Variants in PPP1R10 observed in about 807,000 individuals in gnomAD.
The protein encoded by PPP1R10 is serine/threonine-protein phosphatase 1 regulatory subunit 10.
PPP1R10 carries 15 observed loss-of-function variants against 99.0 expected under a neutral mutation model. The ratio of observed to expected loss-of-function variants is 0.15; its 90% CI spans 0.10 to 0.23. The LOEUF is 0.23. PPP1R10 is among the 10% of genes least tolerant of loss of function. The pLI, the probability that PPP1R10 is intolerant of heterozygous loss-of-function variation, is 1.00. For synonymous variants in PPP1R10, 430 were observed against 449.5 expected, an observed-to-expected ratio of 0.96 and a Z score of 0.55; for missense variants, 947 against 1,259.4, an observed-to-expected ratio of 0.75 and a Z score of 3.75.
At chr6:30,605,588 C>T (rs767330428) in intron 10 of PPP1R10, among the ~76,000 whole-genome samples, 4 of 152,064 alleles carry the variant, frequency 2.6e-5, no homozygotes, top group Non-Finnish European at 5.9e-5. Flanking sequence ...TGGCCAGGTG[C>T]GGTGGCTCAT....
intron 2 of PPP1R10, among the ~76,000 whole-genome samples, chr6:30,615,229 T>TAAA (rs5875265): frequency 4.8e-4 from 53 of 109,756 alleles, no homozygotes; most frequent in Admixed American, 1.6e-3. Flanking sequence ...ACCTTTTTAG[T>TAAA]AAAAAAAAAA....
At chr6:30,603,081 A>G (rs2127437003) in intron 17 of PPP1R10, 122 bp from the exon 18 acceptor site, 1 of 1,398,124 alleles carries the variant, frequency 7.2e-7, no homozygotes, top group Non-Finnish European at 1.0e-6. Context: ...CTCTCTGTCC[A>G]GTCTTCCCCT....
intron 2 of PPP1R10, among the ~76,000 whole-genome samples, chr6:30,615,229 TAA>T (rs5875265): frequency 8.8e-4 from 97 of 109,640 alleles, no homozygotes; most frequent in Admixed American, 9.4e-4. Context: ...ACCTTTTTAG[TAA>T]AAAAAAAAAA....
In PPP1R10 at chr6:30,602,287, C is replaced by T; in HGVS notation, c.2362G>A (p.Gly788Ser). Residue 788 changes from glycine (G) to serine (S), a missense_variant, in exon 19 of 20, where the codon GGT becomes AGT. Around this residue, in one of 10 missense-constraint regions of PPP1R10, gnomAD observed 525 missense variants for 578.8 expected, o/e 0.91. Transcript: ENST00000376511. The surrounding 1 kb of genome is among the most constrained non-coding windows in gnomAD (Gnocchi z 6.7). Reference sequence around the variant, plus strand: ...CCTCCACCCCCACCCATGCTACCACCAGGGCCTTCATGGGGGCGATGCCCA... The same window carrying T: ...CCTCCACCCCCACCCATGCTACCACTAGGGCCTTCATGGGGGCGATGCCCA... ...GSGHRPHEGP[G>S]GSMGGGGGHR... is the part of the protein sequence containing the mutation. The T allele has an allele frequency of 6.2e-7, 1 of 1,612,820 alleles. No individual in the cohort carries two copies. The highest frequency in any genetic ancestry group is 8.5e-7 in the Non-Finnish European group (1 of 1,179,880).
At position 30,604,772 on chromosome 6, in the gene PPP1R10, G is replaced by A. The variant is rs756919666; in HGVS notation, c.955-37C>T. The A allele has an allele frequency of 6.2e-7, 1 of 1,612,454 alleles. No individual in the cohort carries two copies. Among genetic ancestry groups the A allele is most frequent in the Non-Finnish European group, 8.5e-7 (1 of 1,179,840 alleles). ...GAAAAGGAAGTTAATGAACTGACTG[G>A]AAAGCCAAGGGCAAGGCAATTAGTC... On this transcript the variant is annotated intron_variant, in intron 11 of 19. Coordinates refer to ENST00000376511, the MANE Select transcript of PPP1R10 (RefSeq NM_002714.4). This position sits in a 1 kb window ranked among gnomAD's most constrained non-coding sequence, Gnocchi z 7.3.
chr6:30,606,464 T>C lies in PPP1R10; in HGVS notation c.634+4A>G, dbSNP rs1319320120. 6.2e-7 allele frequency: 1 copy of C among 1,612,700 alleles called. No homozygotes were observed. Among genetic ancestry groups the C allele is most frequent in the African/African-American group, 1.3e-5 (1 of 75,000 alleles). On this transcript the variant is annotated splice_donor_region_variant and intron_variant, in intron 8 of 19. Coordinates refer to ENST00000376511, the MANE Select transcript of PPP1R10 (RefSeq NM_002714.4). This position sits in a 1 kb window ranked among gnomAD's most constrained non-coding sequence, Gnocchi z 6.3. ...ACCCTCCAGAGGCCAGCCGCCAGTC[T>C]TACCAGTGGAACGGAACTTGGCATG... is the stretch of plus-strand genomic sequence containing the variant.
At position 30,601,253 on chromosome 6, in the gene PPP1R10, A is replaced by G; in HGVS notation, c.*296T>C. 2 of 437,030 alleles carry G rather than the reference A, an allele frequency of 4.6e-6. No homozygotes were observed. The highest frequency in any genetic ancestry group is 8.2e-6 in the Non-Finnish European group (2 of 244,130). The allele number at this position is 437,030 out of a possible 1,614,324, so 27.1% of individuals were successfully genotyped here. A position where few individuals can be genotyped will look rare whatever the true frequency, so the allele number is the denominator to read the frequency against. On this transcript the variant is annotated 3_prime_UTR_variant, in exon 20 of 20. Transcript: ENST00000376511. ...TCTCAAGCATTAAGGGTAATACTGG[A>G]AAGGGGTTTGGGGTACAGGGCGAAT...
At chr6:30,605,258 G>T (rs960988913) in intron 10 of PPP1R10, among the ~76,000 whole-genome samples, 164 bp from the exon 11 acceptor site, 4 of 152,114 alleles carry the variant, frequency 2.6e-5, no homozygotes, top group Middle Eastern at 3.2e-3. Flanking sequence ...ATTCACACAG[G>T]ATATTCTTGT....
chr6:30,604,876 C>G lies in PPP1R10; in HGVS notation c.954+118G>C, dbSNP rs778329778. 34 of 1,511,222 alleles carry G rather than the reference C, an allele frequency of 2.2e-5. No homozygotes were observed. Among genetic ancestry groups the G allele is most frequent in the Non-Finnish European group, 2.9e-5 (32 of 1,089,052 alleles). 93.6% of individuals were successfully genotyped at this position (1,511,222 alleles called of 1,614,324 possible). A position where few individuals can be genotyped will look rare whatever the true frequency, so the allele number is the denominator to read the frequency against. ...TCCACAATGTCTCACCTGCACCAGT[C>G]TATATCCAAGGCAAAACGCCTCTTG... On this transcript the variant is annotated intron_variant, in intron 11 of 19. Transcript: ENST00000376511. This position sits in a 1 kb window ranked among gnomAD's most constrained non-coding sequence, Gnocchi z 7.3.
At chr6:30,608,506 T>A (rs905575547) in intron 5 of PPP1R10, among the ~76,000 whole-genome samples, 12 of 152,120 alleles carry the variant, frequency 7.9e-5, no homozygotes, top group African/African-American at 2.6e-4. Context: ...TTTCACCACG[T>A]CAGCCAGGAT....
chr6:30,609,781 G>C lies in PPP1R10; in HGVS notation c.107+57C>G. 1 of 1,474,864 alleles carries C rather than the reference G, an allele frequency of 6.8e-7. No individual in the cohort carries two copies. The highest frequency in any genetic ancestry group is 9.5e-7 in the Non-Finnish European group (1 of 1,053,420). The allele number at this position is 1,474,864 out of a possible 1,614,324, so 91.4% of individuals were successfully genotyped here. A position where few individuals can be genotyped will look rare whatever the true frequency, so the allele number is the denominator to read the frequency against. ...TCCAGTGTGCCTCAACTGCAGCCAT[G>C]TTTTAACACACAATATTCTCTACTC... On this transcript the variant is annotated intron_variant, in intron 3 of 19. Coordinates refer to ENST00000376511, the MANE Select transcript of PPP1R10 (RefSeq NM_002714.4). The surrounding 1 kb of genome is among the most constrained non-coding windows in gnomAD (Gnocchi z 4.5).
rs763338746 is a variant in PPP1R10, at chr6:30,604,546, C to A, written c.1103-35G>T. On this transcript the variant is annotated intron_variant, in intron 12 of 19. Transcript: ENST00000376511. This position sits in a 1 kb window ranked among gnomAD's most constrained non-coding sequence, Gnocchi z 7.3. ...GAAGAGGTTTCAGACCCAGATCCCT[C>A]CTTTCAGAAAACCCCCCAAACTGAA... The A allele has an allele frequency of 8.1e-6, 13 of 1,612,768 alleles. No individual in the cohort carries two copies. In the South Asian group the frequency reaches 9.9e-5, roughly 12 times the overall value.
Position 30,606,031 on chromosome 6 carries a change from C to T in PPP1R10, c.745G>A (p.Val249Ile), listed in dbSNP as rs756632982. The T allele has an allele frequency of 5.3e-5, 85 of 1,613,866 alleles. No individual in the cohort carries two copies. Among genetic ancestry groups the T allele is most frequent in the Admixed American group, 8.3e-5 (5 of 59,982 alleles). ...GGAGTGGCATCTCCTGGAGCAGCTA[C>T]GTTGCTGTCAGAAGAGGAACTGTCA... is the stretch of plus-strand genomic sequence containing the variant. ...KPIPLKRQSN[V>I]AAPGDATPPA... The change falls in exon 10 of 20, where the codon GTA becomes ATA. Residue 249 changes from valine to isoleucine, a missense_variant. Val to Ile is a conservative substitution (Grantham distance 29, BLOSUM62 3). Around this residue, in one of 10 missense-constraint regions of PPP1R10, gnomAD observed 39 missense variants for 34.4 expected, o/e 1.14. Coordinates refer to ENST00000376511, the MANE Select transcript of PPP1R10 (RefSeq NM_002714.4). The surrounding 1 kb of genome is among the most constrained non-coding windows in gnomAD (Gnocchi z 6.3).
At position 30,602,780 on chromosome 6, in the gene PPP1R10, T is replaced by A; in HGVS notation, c.1957+66A>T. On this transcript the variant is annotated intron_variant, in intron 18 of 19. Coordinates refer to ENST00000376511, the MANE Select transcript of PPP1R10 (RefSeq NM_002714.4). This position sits in a 1 kb window ranked among gnomAD's most constrained non-coding sequence, Gnocchi z 6.7. ...CCACCACCTCCCACCTTCCAGTCAA[T>A]CCTATACTATTATCAGACTGAAATT... 3 of 1,549,578 alleles carry A rather than the reference T, an allele frequency of 1.9e-6. No individual in the cohort carries two copies. The South Asian group carries it at 3.5e-5, about 18-fold the overall frequency.
chr6:30,603,445 G>A (rs976159191), intron 16 of PPP1R10, 27 bp downstream of exon 16: 1 of 1,598,938 alleles, frequency 6.3e-7, no homozygotes, highest in African/African-American at 1.3e-5. Flanking sequence ...TCCACAGAAG[G>A]TGGAAAAGGG....
chr6:30,607,949 G>A (rs1804117639), intron 5 of PPP1R10, 58 bp from the exon 6 acceptor site: 1 of 1,511,808 alleles, frequency 6.6e-7, no homozygotes, highest in Non-Finnish European at 9.1e-7. Context: ...ATTCCACTTA[G>A]AGCTAAAAAC....
At position 30,602,983 on chromosome 6, in the gene PPP1R10, A is replaced by G; in HGVS notation, c.1844-24T>C. ...CACTGTTAATGAAAACAAGAGTAAC[A>G]CAGCATGAGCACTCTAGAAGACTAG... On this transcript the variant is annotated intron_variant, in intron 17 of 19. Coordinates refer to ENST00000376511, the MANE Select transcript of PPP1R10 (RefSeq NM_002714.4). This position sits in a 1 kb window ranked among gnomAD's most constrained non-coding sequence, Gnocchi z 6.7. 2 of 1,516,730 alleles carry G rather than the reference A, an allele frequency of 1.3e-6. No individual in the cohort carries two copies. Among genetic ancestry groups the G allele is most frequent in the Non-Finnish European group, 1.8e-6 (2 of 1,124,842 alleles). 94.0% of individuals were successfully genotyped at this position (1,516,730 alleles called of 1,614,324 possible).
chr6:30,604,598 G>T lies in PPP1R10; in HGVS notation c.1092C>A (p.Leu364=). The T allele has an allele frequency of 6.2e-7, 1 of 1,613,024 alleles. No individual in the cohort carries two copies. The highest frequency in any genetic ancestry group is 8.5e-7 in the Non-Finnish European group (1 of 1,180,032). ...CAGTTTCTAGATTACCTGTATCCAT[G>T]AGCTCCGGGACTTCAACAGGGGGAA... ...TPVPPVEVPE[L]MDTASLEPGA... Residue 364 remains leucine (L), a synonymous_variant, in exon 12 of 20, where the codon CTC becomes CTA. Coordinates refer to ENST00000376511, the MANE Select transcript of PPP1R10 (RefSeq NM_002714.4). The surrounding 1 kb of genome is among the most constrained non-coding windows in gnomAD (Gnocchi z 7.3).
rs965032813 is a variant in PPP1R10 at position 30,616,943 on chromosome 6, C to A, written c.-477G>T. 6.6e-6 allele frequency: 1 copy of A among 152,278 alleles called. No homozygotes were observed. Among genetic ancestry groups the A allele is most frequent in the African/African-American group, 2.4e-5 (1 of 41,432 alleles). The allele number at this position is 152,278 out of a possible 1,614,324, so 9.4% of individuals were successfully genotyped here. Reference sequence around the variant, plus strand: ...CCTTTCAAGGGCTTAGATGTTGCTGCGGCTTGTTTCTGTTTTCCTCGTGGC... The same window carrying A: ...CCTTTCAAGGGCTTAGATGTTGCTGAGGCTTGTTTCTGTTTTCCTCGTGGC... On this transcript the variant is annotated 5_prime_UTR_variant, in exon 2 of 20. Coordinates refer to ENST00000376511, the MANE Select transcript of PPP1R10 (RefSeq NM_002714.4).
Sources: allele counts gnomAD v4.1 joint callset (sites outside exome capture counted in the v4.1 genomes callset), GRCh38; gene constraint gnomAD v4.1.1; regional missense constraint gnomAD v4.1.1; non-coding constraint Gnocchi (gnomAD v3.1); transcripts MANE v1.5; gene names NCBI Gene and HGNC (gene_info 2026-07-23, HGNC 2026-07-21).